FAN1: variants seen among roughly 807,000 people sequenced by gnomAD.
The protein encoded by FAN1 is FANCD2 and FANCI associated nuclease 1.
In FAN1, 91 loss-of-function variants were observed where a neutral mutation model predicts 104.9. The ratio of observed to expected loss-of-function variants is 0.87; its 90% CI spans 0.73 to 1.03. The LOEUF (loss-of-function observed/expected upper bound fraction) is 1.03. Among genes scored for constraint, FAN1 ranks in the 50% least tolerant of loss-of-function variants. The pLI, the probability that FAN1 is intolerant of heterozygous loss-of-function variation, is 0.00. For missense variants in FAN1, 1,263 were observed against 1,239.9 expected, an observed-to-expected ratio of 1.02 and a Z score of -0.28; for synonymous variants, 478 against 457.6, an observed-to-expected ratio of 1.04 and a Z score of -0.57.
intron 14 of FAN1, chr15:30,939,047 C>CATCA (rs1333324740): frequency 2.0e-6 from 2 of 985,268 alleles, no homozygotes; most frequent in Non-Finnish European, 2.4e-6. Flanking sequence ...GAACTCAAGT[C>CATCA]ATCAATTTTA....
Position 30,913,969 on chromosome 15 carries a change from C to A in FAN1, c.1689C>A (p.Ala563=), listed in dbSNP as rs558554134. The A allele has an allele frequency of 1.9e-6, 3 of 1,614,142 alleles. No individual in the cohort carries two copies. The highest frequency in any genetic ancestry group is 2.5e-6 in the Non-Finnish European group (3 of 1,180,020). ...CCGACTCAATGGAAGATGAAGACGC[C>A]GCTTGTGGAGGTCAGGGACAGCTTT... ...SLTDSMEDED[A]ACGGQGQLST... is the part of the protein sequence containing the mutation. The change falls in exon 5 of 15, where the codon GCC becomes GCA. Residue 563 remains alanine, a synonymous_variant. Coordinates refer to ENST00000362065, the MANE Select transcript of FAN1 (RefSeq NM_014967.5).
intron 10 of FAN1, chr15:30,928,137 G>A (rs892198366): frequency 9.5e-5 from 96 of 1,007,962 alleles, no homozygotes; most frequent in Non-Finnish European, 3.6e-5. Context: ...TTCTTCAGGG[G>A]TGGCCCAGGG....
At position 30,941,585 on chromosome 15, in the gene FAN1, G is replaced by A; in HGVS notation, c.*23G>A. 6.3e-7 allele frequency: 1 copy of A among 1,599,612 alleles called. No individual in the cohort carries two copies. Among genetic ancestry groups the A allele is most frequent in the Non-Finnish European group, 8.5e-7 (1 of 1,172,618 alleles). ...GCACAGATTCCCTACAGGAGAAAAT[G>A]GAAATGAGGAGGAGAGAAACTCCGG... On this transcript the variant is annotated 3_prime_UTR_variant, in exon 15 of 15. Coordinates refer to ENST00000362065, the MANE Select transcript of FAN1 (RefSeq NM_014967.5).
chr15:30,943,089 T>TA lies in FAN1; in HGVS notation c.*1530dup. Reference sequence around the variant, plus strand: ...AGCAAATTCCTGCAAAATAAATAAATAAATATTTGCAAAACTAAAGATTCT... The same window carrying TA: ...AGCAAATTCCTGCAAAATAAATAAATAAAATATTTGCAAAACTAAAGATTCT... On this transcript the variant is annotated 3_prime_UTR_variant, in exon 15 of 15. Transcript: ENST00000362065. 1 of 1,528,794 alleles carries TA rather than the reference T, an allele frequency of 6.5e-7. No homozygotes were observed. The highest frequency in any genetic ancestry group is 8.8e-7 in the Non-Finnish European group (1 of 1,139,424). The allele number at this position is 1,528,794 out of a possible 1,614,324, so 94.7% of individuals were successfully genotyped here. A position where few individuals can be genotyped will look rare whatever the true frequency, so the allele number is the denominator to read the frequency against.
chr15:30,919,521 T>C (rs1456498714), intron 6 of FAN1, among the ~76,000 whole-genome samples: 2 of 151,218 alleles, frequency 1.3e-5, no homozygotes, highest in African/African-American at 4.9e-5. Flanking sequence ...TGAAACCTCG[T>C]CTCTACTAAA....
intron 3 of FAN1, among the ~76,000 whole-genome samples, chr15:30,908,806 A>G (rs2062037188): frequency 6.6e-6 from 1 of 152,198 alleles, no homozygotes; most frequent in Non-Finnish European, 1.5e-5. Flanking sequence ...GCACCATTGC[A>G]TTTCAGCCTG....
intron 8 of FAN1, among the ~76,000 whole-genome samples, chr15:30,924,193 G>T (rs2062403603): frequency 6.6e-6 from 1 of 152,160 alleles, no homozygotes; most frequent in African/African-American, 2.4e-5. Context: ...TCCTTCTCCA[G>T]GCTGAACACA....
chr15:30,930,793 C>G, intron 13 of FAN1, 122 bp downstream of exon 13: 1 of 1,279,746 alleles, frequency 7.8e-7, no homozygotes, highest in Admixed American at 2.0e-5. Context: ...GCTTTTGGGC[C>G]GAGGGCCTGG....
At chr15:30,930,337 G>A (rs1316209217) in intron 12 of FAN1, among the ~76,000 whole-genome samples, 1 of 152,258 alleles carries the variant, frequency 6.6e-6, no homozygotes, top group Non-Finnish European at 1.5e-5. Context: ...ACCACAGGAG[G>A]ACCAGTCTCC....
intron 8 of FAN1, 113 bp downstream of exon 8, chr15:30,922,467 T>C (rs998821561): frequency 1.4e-5 from 15 of 1,102,140 alleles, no homozygotes; most frequent in Non-Finnish European, 2.0e-5. Context: ...GTATTTCTTT[T>C]GTTAACATTC....
chr15:30,929,875 TATATA>T (rs1246590454), intron 12 of FAN1, among the ~76,000 whole-genome samples: 5 of 93,742 alleles, frequency 5.3e-5, no homozygotes, highest in Non-Finnish European at 7.4e-5. Flanking sequence ...ATATATAAAA[TATATA>T]ATATATATCA....
At chr15:30,934,832 A>T (rs1446480978) in intron 13 of FAN1, among the ~76,000 whole-genome samples, 2 of 152,216 alleles carry the variant, frequency 1.3e-5, no homozygotes, top group African/African-American at 4.8e-5. Flanking sequence ...ACCTTTCAAT[A>T]ATATATATCT....
At chr15:30,927,006 G>T (rs1160560986) in intron 10 of FAN1, 6 of 985,312 alleles carry the variant, frequency 6.1e-6, no homozygotes, top group Non-Finnish European at 7.2e-6. Flanking sequence ...TGCACAGCAT[G>T]GACCACTTAG....
intron 3 of FAN1, among the ~76,000 whole-genome samples, chr15:30,908,673 C>T (rs1317737314): frequency 1.4e-5 from 2 of 142,940 alleles, no homozygotes; most frequent in Non-Finnish European, 1.5e-5. Context: ...TGGAGAAACC[C>T]CATCTCTACT....
chr15:30,937,779 A>G (rs2062903019), intron 14 of FAN1, among the ~76,000 whole-genome samples: 1 of 152,032 alleles, frequency 6.6e-6, no homozygotes, highest in Non-Finnish European at 1.5e-5. Context: ...TTTTTAAAAG[A>G]GAAAAATTTT....
Position 30,934,979 on chromosome 15 carries a change from A to G in FAN1, c.2917-2140A>G, listed in dbSNP as rs143741527. Among the ~76,000 whole-genome samples the G allele has an allele frequency of 8.3e-3, 1,263 of 152,238 alleles. 18 individuals carry two copies. Among genetic ancestry groups the G allele is most frequent in the African/African-American group, 0.028 (1,172 of 41,516 alleles). Reference sequence around the variant, plus strand: ...GTACATAGCATTTCCAGTGCTTGCTATTCTTTTGTGTAGATCCAGGTTTCT... The same window carrying G: ...GTACATAGCATTTCCAGTGCTTGCTGTTCTTTTGTGTAGATCCAGGTTTCT... On this transcript the variant is annotated intron_variant, in intron 13 of 14. Transcript: ENST00000362065.
chr15:30,905,135 A>G lies in FAN1; in HGVS notation c.472A>G (p.Lys158Glu). ...KVICLGSLAS[K>E]LSRKYVKAKK... ...CATTTGTTTGGGAAGCCTAGCATCTAAATTGTCCAGAAAATACGTAAAGGC... is the reference window on the plus strand; with the variant it reads ...CATTTGTTTGGGAAGCCTAGCATCTGAATTGTCCAGAAAATACGTAAAGGC... Residue 158 changes from lysine (K) to glutamate (E), a missense_variant, in exon 2 of 15, where the codon AAA becomes GAA. Around this residue, in one of 2 missense-constraint regions of FAN1, gnomAD observed 682 missense variants for 571.1 expected, o/e 1.19. Transcript: ENST00000362065. The G allele has an allele frequency of 1.5e-5, 25 of 1,614,046 alleles. No homozygotes were observed. The highest frequency in any genetic ancestry group is 2.0e-5 in the Non-Finnish European group (24 of 1,180,040).
At chr15:30,935,917 TG>T (rs1426613140) in intron 13 of FAN1, among the ~76,000 whole-genome samples, 2 of 152,140 alleles carry the variant, frequency 1.3e-5, no homozygotes, top group Non-Finnish European at 2.9e-5. Flanking sequence ...TTTCCTAGGG[TG>T]CCGTTACATT....
At chr15:30,938,901 T>C (rs1250959379) in intron 14 of FAN1, 1 of 984,392 alleles carries the variant, frequency 1.0e-6, no homozygotes, top group Non-Finnish European at 1.2e-6. Flanking sequence ...CTTCTATCAA[T>C]CACTGTGTTC....
Sources: allele counts gnomAD v4.1 joint callset (sites outside exome capture counted in the v4.1 genomes callset), GRCh38; gene constraint gnomAD v4.1.1; regional missense constraint gnomAD v4.1.1; transcripts MANE v1.5; gene names NCBI Gene and HGNC (gene_info 2026-07-23, HGNC 2026-07-21).